The following ITGA9 variants were observed in gnomAD, a reference collection of about 807,000 sequenced individuals.
The protein encoded by ITGA9 is integrin subunit alpha 9.
Under a neutral mutation model 127.8 loss-of-function variants are expected in ITGA9, and 56 were observed. The observed-to-expected ratio is 0.44, with a 90% CI of 0.35 to 0.55. The LOEUF is 0.55. Among genes scored for constraint, ITGA9 ranks in the 20% least tolerant of loss-of-function variants. The pLI, the probability that ITGA9 is intolerant of heterozygous loss-of-function variation, is 0.00. For synonymous variants in ITGA9, 508 were observed against 514.5 expected (o/e 0.99, Z 0.17); for missense variants, 1,196 against 1,347.1 (o/e 0.89, Z 1.76).
At chr3:37,477,835 G>A (rs189610577) in intron 3 of ITGA9, among the ~76,000 whole-genome samples, 5 of 152,202 alleles carry the variant, frequency 3.3e-5, no homozygotes, top group Admixed American at 1.3e-4. Flanking sequence ...TGCAGAAGCA[G>A]TATTCTCTGG....
At chr3:37,510,137 G>C (rs1357050708) in intron 8 of ITGA9, among the ~76,000 whole-genome samples, 2 of 151,546 alleles carry the variant, frequency 1.3e-5, no homozygotes, top group South Asian at 4.2e-4. Context: ...AGGTAGCTCG[G>C]ACCACAGACA....
At chr3:37,635,666 C>G (rs1295731910) in intron 16 of ITGA9, among the ~76,000 whole-genome samples, 1 of 151,190 alleles carries the variant, frequency 6.6e-6, no homozygotes, top group Non-Finnish European at 1.5e-5. Context: ...TTTTAGGGTA[C>G]ATGTGCACAA....
chr3:37,616,126 A>G (rs1289759315), intron 15 of ITGA9, among the ~76,000 whole-genome samples: 2 of 152,040 alleles, frequency 1.3e-5, no homozygotes, highest in Non-Finnish European at 2.9e-5. Context: ...CCCTCTACAC[A>G]CTGCTTTGAA....
chr3:37,491,296 T>C (rs1698671125), intron 4 of ITGA9, among the ~76,000 whole-genome samples: 1 of 151,884 alleles, frequency 6.6e-6, no homozygotes, highest in Non-Finnish European at 1.5e-5. Flanking sequence ...AATGTAAGGG[T>C]TAGGTTTGTT....
intron 4 of ITGA9, among the ~76,000 whole-genome samples, chr3:37,483,253 T>C (rs2844346): frequency 0.65 from 99,079 of 151,868 alleles, 32,426 homozygotes; most frequent in Middle Eastern, 0.74. Context: ...GACAGCCCTC[T>C]GAAGAGGGAG....
intron 15 of ITGA9, among the ~76,000 whole-genome samples, chr3:37,555,121 GTA>G (rs35951271): frequency 0.048 from 7,359 of 152,266 alleles, 192 homozygotes; most frequent in Non-Finnish European, 0.053. Flanking sequence ...TCCAGCCATT[GTA>G]TGTGTTTTTC....
rs1696954481 is a variant in ITGA9, at chr3:37,779,888, A to G, written c.2668-14A>G. Reference sequence around the variant, plus strand: ...CTTAATTCCATTGGAAATTTTTCTGACTTTTCTTCTCAGGACTGTGAAAAA... The same window carrying G: ...CTTAATTCCATTGGAAATTTTTCTGGCTTTTCTTCTCAGGACTGTGAAAAA... On this transcript the variant is annotated splice_polypyrimidine_tract_variant and intron_variant, in intron 24 of 27. Coordinates refer to ENST00000264741, the MANE Select transcript of ITGA9 (RefSeq NM_002207.3). 6.2e-7 allele frequency: 1 copy of G among 1,613,600 alleles called. No individual in the cohort carries two copies. The highest frequency in any genetic ancestry group is 1.3e-5 in the African/African-American group (1 of 74,916).
intron 15 of ITGA9, among the ~76,000 whole-genome samples, chr3:37,628,561 A>G (rs1442711927): frequency 6.6e-6 from 1 of 152,164 alleles, no homozygotes; most frequent in African/African-American, 2.4e-5. Flanking sequence ...CACCTAGCAC[A>G]GTACCTGGCA....
At chr3:37,606,357 T>C (rs1304571601) in intron 15 of ITGA9, among the ~76,000 whole-genome samples, 1 of 152,208 alleles carries the variant, frequency 6.6e-6, no homozygotes, top group East Asian at 1.9e-4. Flanking sequence ...GTGTGCCCTG[T>C]TCAGTACAGC....
At chr3:37,697,346 ATTAT>A (rs1700896426) in intron 18 of ITGA9, among the ~76,000 whole-genome samples, 2 of 121,986 alleles carry the variant, frequency 1.6e-5, no homozygotes, top group Non-Finnish European at 3.7e-5. Context: ...TATTATTATT[ATTAT>A]TATACTTTAA....
At chr3:37,490,117 A>ATT (rs2125563197) in intron 4 of ITGA9, among the ~76,000 whole-genome samples, 1 of 152,190 alleles carries the variant, frequency 6.6e-6, no homozygotes, top group Non-Finnish European at 1.5e-5. Context: ...ACTCAGGATG[A>ATT]TTTGGGTCAG....
intron 23 of ITGA9, among the ~76,000 whole-genome samples, chr3:37,766,674 A>G (rs552755198): frequency 6.6e-6 from 1 of 152,318 alleles, no homozygotes; most frequent in East Asian, 1.9e-4. Flanking sequence ...GAATTTAAAC[A>G]AGCAGATACA....
intron 15 of ITGA9, among the ~76,000 whole-genome samples, chr3:37,552,330 C>G (rs551475591): frequency 6.6e-6 from 1 of 151,710 alleles, no homozygotes; most frequent in South Asian, 2.1e-4. Context: ...AGCCTCATTG[C>G]GTGGGATAAG....
intron 20 of ITGA9, among the ~76,000 whole-genome samples, chr3:37,740,928 A>G (rs1277319800): frequency 6.6e-6 from 1 of 152,062 alleles, no homozygotes; most frequent in Non-Finnish European, 1.5e-5. Context: ...CTATAGCGAG[A>G]GCTTCCATGA....
At chr3:37,776,509 A>G (rs927170328) in intron 23 of ITGA9, among the ~76,000 whole-genome samples, 10 of 152,220 alleles carry the variant, frequency 6.6e-5, no homozygotes, top group African/African-American at 2.4e-4. Context: ...ATGAATTACT[A>G]ATTATTAATT....
At position 37,820,369 on chromosome 3, in the gene ITGA9, A is replaced by T; in HGVS notation, c.*1380A>T. On this transcript the variant is annotated 3_prime_UTR_variant, in exon 28 of 28. Transcript: ENST00000264741. ...GGCGTAATGGCTCCAGTAGCTCAGG[A>T]CAGTCCTCTAAAGGACAACCACAGA... 6.6e-6 allele frequency: 1 copy of T among 152,344 alleles called. No individual in the cohort carries two copies. Among genetic ancestry groups the T allele is most frequent in the Middle Eastern group, 3.4e-3 (1 of 296 alleles). The allele number at this position is 152,344 out of a possible 1,614,324, so 9.4% of individuals were successfully genotyped here. A position where few individuals can be genotyped will look rare whatever the true frequency, so the allele number is the denominator to read the frequency against.
intron 15 of ITGA9, among the ~76,000 whole-genome samples, chr3:37,578,096 G>T (rs1049196171): frequency 5.3e-5 from 8 of 152,168 alleles, no homozygotes; most frequent in African/African-American, 1.9e-4. Flanking sequence ...GTTCTAGAAA[G>T]AATTGTTTTG....
chr3:37,545,716 T>TA (rs1314832881), intron 15 of ITGA9, among the ~76,000 whole-genome samples: 1 of 151,886 alleles, frequency 6.6e-6, no homozygotes, highest in Non-Finnish European at 1.5e-5. Flanking sequence ...ATGGGGCCCC[T>TA]CCCACTAGCC....
chr3:37,546,084 A>T (rs1699323697), intron 15 of ITGA9, among the ~76,000 whole-genome samples: 1 of 152,312 alleles, frequency 6.6e-6, no homozygotes, highest in East Asian at 1.9e-4. Flanking sequence ...TTTTGGTCTC[A>T]AATAAAATAA....
Sources: gnomAD v4.1 joint callset for allele counts (sites outside exome capture counted in the v4.1 genomes callset) on GRCh38, gnomAD v4.1.1 for gene constraint, MANE v1.5 for transcripts, NCBI Gene and HGNC (gene_info 2026-07-23, HGNC 2026-07-21) for gene names.